DNAH17: variants seen among roughly 807,000 people sequenced by gnomAD.
The protein encoded by DNAH17 is dynein axonemal heavy chain 17, also known as axonemal beta dynein heavy chain 17.
A neutral mutation model predicts 485.6 loss-of-function variants in DNAH17; 376 were observed. The observed-to-expected ratio is 0.77, with a 90% CI of 0.71 to 0.84. The LOEUF (loss-of-function observed/expected upper bound fraction) is 0.84. Among genes scored for constraint, DNAH17 ranks in the 40% least tolerant of loss-of-function variants. The pLI is 0.00. For missense variants in DNAH17, 6,370 were observed against 5,839.3 expected (o/e 1.09, Z -2.96); for synonymous variants, 3,031 against 2,405.9 (o/e 1.26, Z -7.60).
At position 78,460,242 on chromosome 17, in the gene DNAH17, G is replaced by A. The variant is rs374610598; in HGVS notation, c.9355C>T (p.Gln3119Ter). ...GCCAGGTCTGTTTCACAGGCCTTTT[G>A]CTTCTCAGTGACGTTCTGGAAGGAA... ...EVINKNVTEK[Q>*]KACETDLAKA... Residue 3119 changes from glutamine (Q) to a stop codon, truncating the protein, a stop_gained, in exon 59 of 81, where the codon CAA (glutamine) becomes TAA (stop). Coordinates refer to ENST00000389840, the MANE Select transcript of DNAH17 (RefSeq NM_173628.4). LOFTEE classifies it high-confidence loss of function. The A allele has an allele frequency of 1.2e-5, 20 of 1,602,082 alleles. No individual in the cohort carries two copies. The highest frequency in any genetic ancestry group is 2.7e-5 in the African/African-American group (2 of 74,810).
chr17:78,436,934 C>A (rs1416221850), intron 74 of DNAH17, among the ~76,000 whole-genome samples: 1 of 152,166 alleles, frequency 6.6e-6, no homozygotes, highest in Non-Finnish European at 1.5e-5. Flanking sequence ...GCCTTGAGGT[C>A]TGTGAGGGAA....
intron 26 of DNAH17, among the ~76,000 whole-genome samples, chr17:78,512,036 C>G (rs1485375402): frequency 6.6e-6 from 1 of 152,198 alleles, no homozygotes; most frequent in Non-Finnish European, 1.5e-5. Flanking sequence ...GCCTAGGGAG[C>G]AGAAGGGCCC....
Position 78,434,415 on chromosome 17 carries a change from G to A in DNAH17, c.12034-195C>T, listed in dbSNP as rs531637527. ...AAGCTGGGCTGTCATGGCTGAGTACGATCTTCTTGTTCCTTTCAGAAATGC... is the reference window on the plus strand; with the variant it reads ...AAGCTGGGCTGTCATGGCTGAGTACAATCTTCTTGTTCCTTTCAGAAATGC... On this transcript the variant is annotated intron_variant, in intron 74 of 80. Coordinates refer to ENST00000389840, the MANE Select transcript of DNAH17 (RefSeq NM_173628.4). Among the ~76,000 whole-genome samples, 10 of 152,270 alleles carry A rather than the reference G, an allele frequency of 6.6e-5. 1 individual carries two copies. The East Asian group carries it at 7.7e-4, about 12-fold the overall frequency.
chr17:78,560,426 G>C (rs1395374475), intron 13 of DNAH17, among the ~76,000 whole-genome samples: 1 of 152,088 alleles, frequency 6.6e-6, no homozygotes, highest in East Asian at 1.9e-4. Context: ...ATTCTCCCCA[G>C]TGTGCCTGCC....
chr17:78,543,377 G>A (rs1050973243), intron 17 of DNAH17, among the ~76,000 whole-genome samples: 3 of 151,422 alleles, frequency 2.0e-5, no homozygotes, highest in Admixed American at 1.3e-4. Context: ...TGCAAGCTCC[G>A]CTTCCCGGGT....
In DNAH17 at chr17:78,495,916, G is replaced by C. The variant is rs61745171; in HGVS notation, c.5862C>G (p.Ala1954=). 4.3e-6 allele frequency: 7 copies of C among 1,613,724 alleles called. No homozygotes were observed. The East Asian group carries it at 1.6e-4, about 36-fold the overall frequency. The change falls in exon 38 of 81, where the codon GCC becomes GCG. Residue 1954 remains alanine, a synonymous_variant. Transcript: ENST00000389840. The stretch of plus-strand genomic sequence containing the variant: ...GGTTCTCAGGCAGCTCCGCGCGTCC[G>C]GCGTACCCAGGGTTCATGGTGATGA... The part of the protein sequence containing the change: ...GIFITMNPGY[A]GRAELPENLK...
At chr17:78,538,065 A>G (rs932553304) in intron 18 of DNAH17, among the ~76,000 whole-genome samples, 1 of 150,260 alleles carries the variant, frequency 6.7e-6, no homozygotes, top group South Asian at 2.1e-4. Flanking sequence ...GCTTGAACCC[A>G]AGAGGCGGAG....
chr17:78,497,437 C>T (rs2090115197), intron 37 of DNAH17, among the ~76,000 whole-genome samples: 1 of 152,200 alleles, frequency 6.6e-6, no homozygotes, highest in Non-Finnish European at 1.5e-5. Flanking sequence ...CCTTTCGGAA[C>T]AGCACCGCTT....
Position 78,502,711 on chromosome 17 carries a change from AC to A in DNAH17, c.5083-14del, listed in dbSNP as rs557164854. 6.2e-6 allele frequency: 10 copies of A among 1,609,240 alleles called. No homozygotes were observed. In the African/African-American group the frequency reaches 9.4e-5, roughly 15 times the overall value. Reference sequence around the variant, plus strand: ...AAGTCAGGGCCACCTGAAAGTACATACCCCCCATTGCCCACGCAGTGAGCGA... The same window carrying A: ...AAGTCAGGGCCACCTGAAAGTACATACCCCCATTGCCCACGCAGTGAGCGA... On this transcript the variant is annotated splice_polypyrimidine_tract_variant and intron_variant, in intron 32 of 80. Coordinates refer to ENST00000389840, the MANE Select transcript of DNAH17 (RefSeq NM_173628.4).
intron 72 of DNAH17, among the ~76,000 whole-genome samples, chr17:78,439,641 G>A (rs1054121998): frequency 7.0e-6 from 1 of 143,078 alleles, no homozygotes; most frequent in African/African-American, 2.6e-5. Flanking sequence ...GTCCATCCAC[G>A]TTGTAGCATG....
rs777727996 is a variant in DNAH17, at chr17:78,423,963, G to C, written c.13332C>G (p.Thr4444=). ...PTYVWTFNLK[T]KEKAAKWILA... ...GGATCCACTTCGCTGCCTTCTCTTT[G>C]GTCTTCAAGTTAAAGGTCCAGACAT... is the stretch of plus-strand genomic sequence containing the variant. The change falls in exon 81 of 81, where the codon ACC becomes ACG. Residue 4444 remains threonine, a synonymous_variant. Transcript: ENST00000389840. 3 of 1,613,874 alleles carry C rather than the reference G, an allele frequency of 1.9e-6. No individual in the cohort carries two copies. The South Asian group carries it at 3.3e-5, about 18-fold the overall frequency.
At chr17:78,431,974 C>T (rs1298566401) in intron 75 of DNAH17, among the ~76,000 whole-genome samples, 1 of 151,928 alleles carries the variant, frequency 6.6e-6, no homozygotes, top group African/African-American at 2.4e-5. Flanking sequence ...GAGTTTGAGA[C>T]CAGCTTAGGC....
intron 19 of DNAH17, among the ~76,000 whole-genome samples, chr17:78,536,743 T>C (rs1053856408): frequency 6.6e-6 from 1 of 150,598 alleles, no homozygotes; most frequent in African/African-American, 2.4e-5. Flanking sequence ...CTTGGCATCG[T>C]GTCGGGGGGT....
chr17:78,502,310 C>CGT, intron 33 of DNAH17: 11 of 347,512 alleles, frequency 3.2e-5, no homozygotes, highest in South Asian at 1.5e-4. Context: ...TAACCAAGGA[C>CGT]ATTTTTTTTT....
chr17:78,473,980 G>T (rs1004074962), intron 54 of DNAH17, among the ~76,000 whole-genome samples: 1 of 152,178 alleles, frequency 6.6e-6, no homozygotes, highest in African/African-American at 2.4e-5. Flanking sequence ...CATCTGAGGA[G>T]TTCAAAAAAG....
chr17:78,542,461 A>C (rs2091622735), intron 17 of DNAH17, among the ~76,000 whole-genome samples: 1 of 152,150 alleles, frequency 6.6e-6, no homozygotes. Flanking sequence ...ATTTGAGCTC[A>C]AGGGAGAATA....
intron 16 of DNAH17, among the ~76,000 whole-genome samples, 152 bp downstream of exon 16, chr17:78,551,383 A>C (rs1454773087): frequency 1.3e-5 from 2 of 152,162 alleles, no homozygotes; most frequent in African/African-American, 4.8e-5. Flanking sequence ...GACCACTCTG[A>C]TATCATCCTA....
intron 11 of DNAH17, among the ~76,000 whole-genome samples, chr17:78,562,619 C>T (rs2092181069): frequency 6.6e-6 from 1 of 152,110 alleles, no homozygotes; most frequent in Admixed American, 6.5e-5. Flanking sequence ...AAGACCCTGT[C>T]TCCAGAAAAA....
chr17:78,477,937 CACCATCACCATT>C (rs1351138053), intron 51 of DNAH17, among the ~76,000 whole-genome samples: 14 of 151,170 alleles, frequency 9.3e-5, no homozygotes, highest in Non-Finnish European at 1.8e-4. Flanking sequence ...CCATCATCAC[CACCATCACCATT>C]ATCATCTCCA....
Sources: gnomAD v4.1 joint callset for allele counts (sites outside exome capture counted in the v4.1 genomes callset) on GRCh38, gnomAD v4.1.1 for gene constraint, MANE v1.5 for transcripts, NCBI Gene and HGNC (gene_info 2026-07-23, HGNC 2026-07-21) for gene names.